The following ADCY10 variants were observed in gnomAD, a reference collection of about 807,000 sequenced individuals.
ADCY10 encodes the protein adenylate cyclase type 10.
ADCY10 carries 156 observed loss-of-function variants against 183.3 expected under a neutral mutation model. That is an observed-to-expected ratio of 0.85 (90% CI 0.75 to 0.97). The LOEUF (loss-of-function observed/expected upper bound fraction) is 0.97, where lower values mean the gene tolerates loss of function less well. Ranked by LOEUF, ADCY10 falls within the 50% of genes least tolerant of loss-of-function variation. The pLI is 0.00. For missense variants in ADCY10, 1,745 were observed against 1,934.3 expected (o/e 0.90, Z 1.84); for synonymous variants, 645 against 670.0 (o/e 0.96, Z 0.58).
intron 13 of ADCY10, among the ~76,000 whole-genome samples, chr1:167,874,761 A>G (rs1667335378): frequency 6.6e-6 from 1 of 152,226 alleles, no homozygotes; most frequent in Non-Finnish European, 1.5e-5. Context: ...ATATTTATAA[A>G]AATGGAATAC....
intron 3 of ADCY10, among the ~76,000 whole-genome samples, chr1:167,903,131 C>T (rs1669557650): frequency 1.3e-5 from 2 of 151,776 alleles, no homozygotes; most frequent in Non-Finnish European, 2.9e-5. Context: ...TGGCGCACGC[C>T]TGTAACCCCA....
chr1:167,816,612 A>C (rs1010544625), intron 31 of ADCY10, among the ~76,000 whole-genome samples: 24 of 152,180 alleles, frequency 1.6e-4, no homozygotes, highest in African/African-American at 5.3e-4. Context: ...ACAACAACAA[A>C]AAAAGAATTG....
In ADCY10 at chr1:167,901,672, T is replaced by A; in HGVS notation, c.426A>T (p.Arg142=). Residue 142 remains arginine, a synonymous_variant, in exon 5 of 33, where the codon CGA becomes CGT. Transcript: ENST00000367851. The part of the protein sequence containing the change: ...TQEWEEGLDI[R]VKIGLAAGHI... The stretch of plus-strand genomic sequence containing the variant: ...TTCTCAAATGCTTACCTATCTTGAC[T>A]CGGATGTCTAGGCCTTCTTCCCACT... The A allele has an allele frequency of 6.2e-7, 1 of 1,614,132 alleles. No individual in the cohort carries two copies. The highest frequency in any genetic ancestry group is 8.5e-7 in the Non-Finnish European group (1 of 1,179,996).
intron 3 of ADCY10, 98 bp downstream of exon 3, chr1:167,903,789 G>A: frequency 1.2e-6 from 1 of 849,366 alleles, no homozygotes. Context: ...AAGAGGAGGA[G>A]TGCTAAGCAA....
At position 167,878,553 on chromosome 1, in the gene ADCY10, A is replaced by C. The variant is rs747274781; in HGVS notation, c.1299T>G (p.Asn433Lys). 13 of 1,614,050 alleles carry C rather than the reference A, an allele frequency of 8.1e-6. No individual in the cohort carries two copies. Among genetic ancestry groups the C allele is most frequent in the Admixed American group, 1.7e-5 (1 of 59,990 alleles). ...AAAAGTACGCTGGTAGGTTGCTCCC[A>C]TTGTAGGTGACAGAGTCGCAGGTCA... ...GIVTCDSVTY[N>K]GSNLPAYFFK... The change falls in exon 12 of 33, where the codon AAT becomes AAG. Residue 433 changes from asparagine to lysine, a missense_variant. Transcript: ENST00000367851.
At chr1:167,895,326 C>T (rs1668889656) in intron 7 of ADCY10, among the ~76,000 whole-genome samples, 1 of 152,128 alleles carries the variant, frequency 6.6e-6, no homozygotes, top group Admixed American at 6.5e-5. Flanking sequence ...AGGCTTTCTC[C>T]TTCATCTCTG....
chr1:167,856,206 A>G lies in ADCY10; in HGVS notation c.2130T>C (p.Cys710=). ...AGATGCAGCTCACATTGAGGTCAAG[A>G]CAGATCTTGTTGGAGATGTCGTTAG... ...VQPNDISNKI[C]LDLNVSCISK... is the part of the protein sequence containing the mutation. The change falls in exon 17 of 33, where the codon TGT becomes TGC. Residue 710 remains cysteine (C), a synonymous_variant. Transcript: ENST00000367851. 3 of 1,613,944 alleles carry G rather than the reference A, an allele frequency of 1.9e-6. No individual in the cohort carries two copies. In the South Asian group the frequency reaches 3.3e-5, roughly 18 times the overall value.
At chr1:167,830,251 TTAAA>T (rs573546502) in intron 25 of ADCY10, among the ~76,000 whole-genome samples, 176 of 152,198 alleles carry the variant, frequency 1.2e-3, no homozygotes, top group African/African-American at 3.9e-3. Context: ...CTTTTCCCCT[TTAAA>T]TACTGCAGTC....
intron 25 of ADCY10, among the ~76,000 whole-genome samples, chr1:167,831,559 A>G (rs910526532): frequency 6.6e-6 from 1 of 152,166 alleles, no homozygotes; most frequent in African/African-American, 2.4e-5. Context: ...ATGTTGTTCC[A>G]TGTCATACTC....
Position 167,905,171 on chromosome 1 carries a change from G to C in ADCY10, c.-31C>G. The stretch of plus-strand genomic sequence containing the variant: ...AGACAAATGTTCAGGATTTTATGGT[G>C]ACAGGAAGCAGTCTCCAAATAGGTC... On this transcript the variant is annotated 5_prime_UTR_variant, in exon 2 of 33. Transcript: ENST00000367851. 1 of 1,613,988 alleles carries C rather than the reference G, an allele frequency of 6.2e-7. No homozygotes were observed. Among genetic ancestry groups the C allele is most frequent in the Non-Finnish European group, 8.5e-7 (1 of 1,179,884 alleles).
intron 26 of ADCY10, among the ~76,000 whole-genome samples, chr1:167,827,743 C>T (rs544309893): frequency 2.2e-4 from 33 of 150,982 alleles, no homozygotes; most frequent in Middle Eastern, 3.4e-3. Context: ...GTTGGAGTCT[C>T]GCTCTTGTCA....
chr1:167,841,534 G>T (rs1267063828), intron 21 of ADCY10, among the ~76,000 whole-genome samples: 1 of 119,674 alleles, frequency 8.4e-6, no homozygotes, highest in African/African-American at 3.9e-5. Flanking sequence ...AAGAGTTGGG[G>T]TCTTGCTTTG....
intron 9 of ADCY10, among the ~76,000 whole-genome samples, chr1:167,882,344 G>A (rs539799950): frequency 2.5e-4 from 38 of 152,124 alleles, no homozygotes; most frequent in African/African-American, 9.2e-4. Flanking sequence ...AATTAGCCAG[G>A]TGTGGTGGCG....
Position 167,854,857 on chromosome 1 carries a change from C to T in ADCY10, c.2172-368G>A, listed in dbSNP as rs553677327. Among the ~76,000 whole-genome samples the T allele has an allele frequency of 5.3e-5, 8 of 151,266 alleles. No individual in the cohort carries two copies. The East Asian group carries it at 5.8e-4, about 11-fold the overall frequency. On this transcript the variant is annotated intron_variant, in intron 17 of 32. Coordinates refer to ENST00000367851, the MANE Select transcript of ADCY10 (RefSeq NM_018417.6). ...GAGAGGGGGAGAGAGAGAGAGAGACCGACAGAAAGAATGAGTGCCAAATTG... is the reference window on the plus strand; with the variant it reads ...GAGAGGGGGAGAGAGAGAGAGAGACTGACAGAAAGAATGAGTGCCAAATTG...
rs1490443432 is a variant in ADCY10 at position 167,903,869 on chromosome 1, A to G, written c.253+18T>C. 6.4e-7 allele frequency: 1 copy of G among 1,560,824 alleles called. No individual in the cohort carries two copies. Among genetic ancestry groups the G allele is most frequent in the African/African-American group, 1.4e-5 (1 of 73,942 alleles). ...GAATTGAAATATTCTCAAGCCAGAAACCTATGGGAACACTTACTCTCCACT... is the reference window on the plus strand; with the variant it reads ...GAATTGAAATATTCTCAAGCCAGAAGCCTATGGGAACACTTACTCTCCACT... On this transcript the variant is annotated intron_variant, in intron 3 of 32. Coordinates refer to ENST00000367851, the MANE Select transcript of ADCY10 (RefSeq NM_018417.6).
Position 167,901,720 on chromosome 1 carries a change from G to A in ADCY10, c.378C>T (p.Ile126=), listed in dbSNP as rs1669437457. 4 of 1,614,154 alleles carry A rather than the reference G, an allele frequency of 2.5e-6. No homozygotes were observed. Among genetic ancestry groups the A allele is most frequent in the Non-Finnish European group, 3.4e-6 (4 of 1,180,038 alleles). ...ACTCCTGGGTCTCAAACAATCCATG[G>A]ATCTCCAGGCTACATTTAATTACCA... is the stretch of plus-strand genomic sequence containing the variant. ...ITVVIKCSLE[I]HGLFETQEWE... Residue 126 remains isoleucine (I), a synonymous_variant, in exon 5 of 33, where the codon ATC becomes ATT. Coordinates refer to ENST00000367851, the MANE Select transcript of ADCY10 (RefSeq NM_018417.6).
intron 18 of ADCY10, among the ~76,000 whole-genome samples, chr1:167,853,160 G>C (rs1037922986): frequency 6.6e-6 from 1 of 152,098 alleles, no homozygotes; most frequent in Non-Finnish European, 1.5e-5. Context: ...AGAGGAATAC[G>C]TTTTGACCCT....
chr1:167,870,860 C>G (rs1667058958), intron 13 of ADCY10, among the ~76,000 whole-genome samples: 1 of 150,680 alleles, frequency 6.6e-6, no homozygotes, highest in Admixed American at 6.6e-5. Context: ...AGACTTTCTT[C>G]AAGCCTTATG....
chr1:167,904,032 G>GA (rs1443801218), intron 2 of ADCY10, 41 bp from the exon 3 acceptor site: 1 of 1,364,226 alleles, frequency 7.3e-7, no homozygotes, highest in Non-Finnish European at 1.0e-6. Context: ...CTGCTTGGGG[G>GA]AATCAAACAG....
Sources: gnomAD v4.1 joint callset for allele counts (sites outside exome capture counted in the v4.1 genomes callset) on GRCh38, gnomAD v4.1.1 for gene constraint, MANE v1.5 for transcripts, NCBI Gene and HGNC (gene_info 2026-07-23, HGNC 2026-07-21) for gene names.